FRMD5: variants seen among roughly 807,000 people sequenced by gnomAD.
FRMD5 encodes FERM domain containing 5, also known as FERM domain-containing protein 5.
Under a neutral mutation model 69.0 loss-of-function variants are expected in FRMD5, and 20 were observed. That is an observed-to-expected ratio of 0.29 (90% CI 0.20 to 0.42). The LOEUF (loss-of-function observed/expected upper bound fraction) is 0.42, where lower values mean the gene tolerates loss of function less well. Among genes scored for constraint, FRMD5 ranks in the 10% least tolerant of loss-of-function variants. FRMD5 has a pLI of 1.00. For missense variants in FRMD5, 595 were observed against 708.6 expected (o/e 0.84, Z 1.82); for synonymous variants, 271 against 260.1 (o/e 1.04, Z -0.40).
At chr15:43,900,736 G>A (rs1337881353) in intron 7 of FRMD5, among the ~76,000 whole-genome samples, 2 of 151,576 alleles carry the variant, frequency 1.3e-5, no homozygotes, top group African/African-American at 4.9e-5. Flanking sequence ...TCCTGCCTCA[G>A]CCTCTTGAGT....
At chr15:43,990,050 C>G (rs1889596138) in intron 1 of FRMD5, 2 of 746,414 alleles carry the variant, frequency 2.7e-6, no homozygotes, top group Admixed American at 1.8e-5. Context: ...CCCATGCCCA[C>G]CGTCACGCCC....
chr15:43,943,676 T>C (rs1438317583), intron 1 of FRMD5, among the ~76,000 whole-genome samples: 1 of 152,178 alleles, frequency 6.6e-6, no homozygotes, highest in Admixed American at 6.5e-5. Context: ...GAGGTCAGAA[T>C]GATGTAGTAA....
chr15:43,971,664 T>C (rs2090381323), intron 1 of FRMD5, among the ~76,000 whole-genome samples: 1 of 151,656 alleles, frequency 6.6e-6, no homozygotes, highest in Non-Finnish European at 1.5e-5. Flanking sequence ...TGCAATAGGG[T>C]TGAAATGACA....
chr15:44,127,406 T>G (rs1258536519), intron 1 of FRMD5, among the ~76,000 whole-genome samples: 1 of 152,192 alleles, frequency 6.6e-6, no homozygotes, highest in African/African-American at 2.4e-5. Context: ...AAATGCTTTT[T>G]TATTGTGAAG....
intron 1 of FRMD5, among the ~76,000 whole-genome samples, chr15:43,953,112 C>T (rs2090062246): frequency 6.6e-6 from 1 of 152,130 alleles, no homozygotes; most frequent in African/African-American, 2.4e-5. Flanking sequence ...TTGAGCTGCC[C>T]CAGGGGCTAT....
At chr15:43,931,791 C>T (rs1441268640) in intron 1 of FRMD5, among the ~76,000 whole-genome samples, 1 of 152,164 alleles carries the variant, frequency 6.6e-6, no homozygotes, top group Admixed American at 6.5e-5. Context: ...GAGGTAGACA[C>T]ATTTCATTAG....
intron 1 of FRMD5, among the ~76,000 whole-genome samples, chr15:43,978,754 T>C (rs1226461514): frequency 6.6e-6 from 1 of 151,884 alleles, no homozygotes; most frequent in Non-Finnish European, 1.5e-5. Context: ...GTTTCACCAT[T>C]TTGGCCAGGC....
intron 1 of FRMD5, among the ~76,000 whole-genome samples, chr15:44,188,209 A>G (rs1029300926): frequency 1.3e-5 from 2 of 152,184 alleles, no homozygotes; most frequent in African/African-American, 4.8e-5. Context: ...CAATAAATAC[A>G]ACAGCATCAA....
At chr15:44,043,688 T>C (rs151108333) in intron 1 of FRMD5, among the ~76,000 whole-genome samples, 28 of 152,306 alleles carry the variant, frequency 1.8e-4, no homozygotes, top group African/African-American at 6.7e-4. Flanking sequence ...GATTCCCTAT[T>C]TAATAAATGG....
intron 1 of FRMD5, among the ~76,000 whole-genome samples, chr15:43,936,243 A>G (rs1314192316): frequency 2.6e-5 from 4 of 152,190 alleles, no homozygotes; most frequent in Non-Finnish European, 5.9e-5. Flanking sequence ...CTCAGGCTGG[A>G]GTACAGTGGC....
intron 1 of FRMD5, among the ~76,000 whole-genome samples, chr15:43,932,360 A>C (rs773496016): frequency 6.6e-6 from 1 of 152,184 alleles, no homozygotes. Flanking sequence ...CTTAAAGTAC[A>C]AATCTGCGTC....
chr15:43,965,752 TGTACTTTTA>T (rs1291134584), intron 1 of FRMD5, among the ~76,000 whole-genome samples: 1 of 151,932 alleles, frequency 6.6e-6, no homozygotes, highest in Admixed American at 6.6e-5. Flanking sequence ...CAGCTAATTT[TGTACTTTTA>T]GTAGAGACGA....
chr15:44,192,112 T>C (rs966443675), intron 1 of FRMD5, among the ~76,000 whole-genome samples: 34 of 151,970 alleles, frequency 2.2e-4, no homozygotes, highest in Non-Finnish European at 4.4e-4. Context: ...GGTCTACAAA[T>C]ACATTTGCAT....
intron 1 of FRMD5, among the ~76,000 whole-genome samples, chr15:43,995,185 T>C (rs1889863251): frequency 6.6e-6 from 1 of 152,202 alleles, no homozygotes; most frequent in African/African-American, 2.4e-5. Context: ...ATTTTAAATA[T>C]CTAGATTACT....
At chr15:44,058,019 G>C (rs972071074) in intron 1 of FRMD5, among the ~76,000 whole-genome samples, 1 of 152,096 alleles carries the variant, frequency 6.6e-6, no homozygotes, top group Non-Finnish European at 1.5e-5. Flanking sequence ...CCTAATCTTA[G>C]CTCTGAAACA....
chr15:43,989,776 A>G, intron 1 of FRMD5: 1 of 1,018,922 alleles, frequency 9.8e-7, no homozygotes, highest in South Asian at 1.3e-5. Context: ...CACGGCCTGG[A>G]TGGCCACGTA....
chr15:43,961,880 A>C (rs1292188774), intron 1 of FRMD5, among the ~76,000 whole-genome samples: 3 of 152,202 alleles, frequency 2.0e-5, no homozygotes, highest in African/African-American at 7.2e-5. Context: ...ACTCTCAATA[A>C]ATTAGGTATT....
intron 1 of FRMD5, among the ~76,000 whole-genome samples, chr15:44,091,815 C>T (rs2076477688): frequency 6.6e-6 from 1 of 151,738 alleles, no homozygotes; most frequent in Non-Finnish European, 1.5e-5. Flanking sequence ...ACAGGATTTG[C>T]TTTTTCTCTA....
intron 1 of FRMD5, among the ~76,000 whole-genome samples, chr15:44,068,560 A>G (rs1427363993): frequency 6.6e-6 from 1 of 152,218 alleles, no homozygotes; most frequent in Admixed American, 6.5e-5. Context: ...AGAGAAAGAA[A>G]GCAGATTAGT....
Sources: allele counts gnomAD v4.1 joint callset (sites outside exome capture counted in the v4.1 genomes callset), GRCh38; gene constraint gnomAD v4.1.1; transcripts MANE v1.5; gene names NCBI Gene and HGNC (gene_info 2026-07-23, HGNC 2026-07-21).